IL1RAPL1: variants seen among roughly 807,000 people sequenced by gnomAD.
The protein encoded by IL1RAPL1 is interleukin 1 receptor accessory protein like 1, also known as interleukin-1 receptor accessory protein-like 1.
IL1RAPL1 carries 3 observed loss-of-function variants against 48.4 expected under a neutral mutation model. That is an observed-to-expected ratio of 0.06 (90% CI 0.03 to 0.16). IL1RAPL1 has a LOEUF of 0.16. Among genes scored for constraint, IL1RAPL1 ranks in the 10% least tolerant of loss-of-function variants. The pLI is 1.00. For missense variants in IL1RAPL1, 349 were observed against 530.6 expected (o/e 0.66, Z 3.36); for synonymous variants, 185 against 187.7 (o/e 0.99, Z 0.12).
At chrX:29,861,451 C>T (rs1452585233) in intron 6 of IL1RAPL1, among the ~76,000 whole-genome samples, 1 of 111,473 alleles carries the variant, frequency 9.0e-6, no homozygotes, top group Non-Finnish European at 1.9e-5. Context: ...AGGCAGAAGC[C>T]AAGTAATGCT....
intron 1 of IL1RAPL1, among the ~76,000 whole-genome samples, chrX:28,766,720 C>T (rs779423294): frequency 1.8e-5 from 2 of 110,852 alleles, no homozygotes; most frequent in Non-Finnish European, 3.8e-5. Context: ...GGTAACCATC[C>T]TTCTACTCTC....
intron 5 of IL1RAPL1, among the ~76,000 whole-genome samples, chrX:29,484,278 G>C (rs12862650): frequency 0.47 from 51,393 of 110,504 alleles, 8,705 homozygotes; most frequent in East Asian, 0.71. Flanking sequence ...CTTGCTATGT[G>C]ATAATATGTC....
chrX:28,810,828 C>G (rs967751961), intron 2 of IL1RAPL1, among the ~76,000 whole-genome samples: 2 of 109,765 alleles, frequency 1.8e-5, no homozygotes, highest in Non-Finnish European at 3.8e-5. Flanking sequence ...ATCTATTATG[C>G]TGTTATGTAA....
chrX:29,377,055 A>G (rs769337101), intron 3 of IL1RAPL1, among the ~76,000 whole-genome samples: 2 of 112,257 alleles, frequency 1.8e-5, no homozygotes, highest in Non-Finnish European at 3.8e-5. Context: ...GGGTGCATAT[A>G]TATTAAGGAT....
chrX:28,932,159 A>C (rs773505164), intron 2 of IL1RAPL1, among the ~76,000 whole-genome samples: 1 of 111,355 alleles, frequency 9.0e-6, no homozygotes, highest in African/African-American at 3.2e-5. Context: ...TTCTCCTTAA[A>C]TTTTATATTT....
At chrX:29,005,229 A>T (rs1216039900) in intron 2 of IL1RAPL1, among the ~76,000 whole-genome samples, 1 of 112,067 alleles carries the variant, frequency 8.9e-6, no homozygotes, top group African/African-American at 3.2e-5. Flanking sequence ...TATTATTGGT[A>T]CGTTAGATGT....
intron 5 of IL1RAPL1, among the ~76,000 whole-genome samples, chrX:29,623,235 A>T (rs1411049277): frequency 1.8e-5 from 2 of 108,140 alleles, no homozygotes; most frequent in Non-Finnish European, 3.8e-5. Flanking sequence ...GCGAGCCGAG[A>T]TGCGCCACTG....
At chrX:29,149,919 G>A (rs1929427119) in intron 2 of IL1RAPL1, among the ~76,000 whole-genome samples, 1 of 111,671 alleles carries the variant, frequency 9.0e-6, no homozygotes, top group South Asian at 3.8e-4. Flanking sequence ...ATGAGTGCTG[G>A]ATTTGAGGTC....
intron 2 of IL1RAPL1, among the ~76,000 whole-genome samples, chrX:29,089,749 AATATATAT>A (rs1159198583): frequency 0.061 from 1,034 of 16,968 alleles, 51 homozygotes; most frequent in Non-Finnish European, 0.068. Context: ...GAGAAATATG[AATATATAT>A]ATATATATAT....
chrX:29,756,538 G>A (rs955367194), intron 6 of IL1RAPL1, among the ~76,000 whole-genome samples: 4 of 109,879 alleles, frequency 3.6e-5, no homozygotes, highest in East Asian at 5.8e-4. Context: ...TCAGCCTCCC[G>A]AGTAGCTGGG....
intron 6 of IL1RAPL1, among the ~76,000 whole-genome samples, chrX:29,752,461 A>G (rs1366757704): frequency 2.0e-5 from 2 of 97,854 alleles, no homozygotes; most frequent in East Asian, 6.5e-4. Flanking sequence ...GCGCCACTGC[A>G]CTCCAGCCTG....
chrX:29,153,523 A>T (rs758333738), intron 2 of IL1RAPL1, among the ~76,000 whole-genome samples: 2 of 112,116 alleles, frequency 1.8e-5, no homozygotes, highest in Non-Finnish European at 3.8e-5. Flanking sequence ...TTGAATTATG[A>T]TTTTAACAAA....
intron 1 of IL1RAPL1, among the ~76,000 whole-genome samples, chrX:28,740,005 A>C (rs1185397114): frequency 9.0e-6 from 1 of 110,854 alleles, no homozygotes; most frequent in East Asian, 2.8e-4. Flanking sequence ...AGTGCTCATT[A>C]TAGTTTATGG....
chrX:29,148,475 G>A (rs905503055), intron 2 of IL1RAPL1, among the ~76,000 whole-genome samples: 5 of 111,910 alleles, frequency 4.5e-5, no homozygotes, highest in Non-Finnish European at 7.5e-5. Flanking sequence ...GAAAACAAAC[G>A]TCAATCATTA....
chrX:29,136,104 G>C (rs1929120559), intron 2 of IL1RAPL1, among the ~76,000 whole-genome samples: 1 of 103,978 alleles, frequency 9.6e-6, no homozygotes, highest in South Asian at 4.4e-4. Context: ...CATATAGCTT[G>C]GTAGTTAAGC....
intron 4 of IL1RAPL1, among the ~76,000 whole-genome samples, chrX:29,398,173 G>A (rs1933942705): frequency 8.9e-6 from 1 of 111,887 alleles, no homozygotes; most frequent in Non-Finnish European, 1.9e-5. Context: ...ACATTCAGTG[G>A]AAAATTTATG....
At chrX:28,918,645 A>T (rs1336530669) in intron 2 of IL1RAPL1, among the ~76,000 whole-genome samples, 3 of 112,205 alleles carry the variant, frequency 2.7e-5, no homozygotes, top group African/African-American at 9.7e-5. Context: ...AGAAGTGATT[A>T]ATCTTATGGA....
At chrX:29,620,400 G>A (rs184310361) in intron 5 of IL1RAPL1, among the ~76,000 whole-genome samples, 7 of 111,210 alleles carry the variant, frequency 6.3e-5, no homozygotes, top group Middle Eastern at 4.6e-3. Context: ...AACCTGCACG[G>A]CATGTTACTG....
chrX:29,189,546 T>C (rs1403881887), intron 2 of IL1RAPL1, among the ~76,000 whole-genome samples: 1 of 111,430 alleles, frequency 9.0e-6, no homozygotes, highest in Non-Finnish European at 1.9e-5. Context: ...ATAAAGTAAG[T>C]GTTCACCTGT....
Sources: allele counts gnomAD v4.1 joint callset (sites outside exome capture counted in the v4.1 genomes callset), GRCh38; gene constraint gnomAD v4.1.1; transcripts MANE v1.5; gene names NCBI Gene and HGNC (gene_info 2026-07-23, HGNC 2026-07-21).